ERC1: variants seen among roughly 807,000 people sequenced by gnomAD.
The protein encoded by ERC1 is ELKS/RAB6-interacting/CAST family member 1, also known as RAB6 interacting protein 2.
Under a neutral mutation model 132.0 loss-of-function variants are expected in ERC1, and 56 were observed. That is an observed-to-expected ratio of 0.42 (90% confidence interval 0.34 to 0.53). The LOEUF is 0.53. Ranked by LOEUF, ERC1 falls within the 20% of genes least tolerant of loss-of-function variation. The pLI is 0.03. For missense variants in ERC1, 1,202 were observed against 1,349.9 expected (o/e 0.89, Z 1.72); for synonymous variants, 478 against 476.1 (o/e 1.00, Z -0.05).
At chr12:1,466,989 A>T (rs2093755928) in intron 18 of ERC1, among the ~76,000 whole-genome samples, 1 of 152,238 alleles carries the variant, frequency 6.6e-6, no homozygotes, top group Non-Finnish European at 1.5e-5. Context: ...AGAGTCTTTA[A>T]TTTTAACACT....
At chr12:1,170,516 A>G (rs1018812463) in intron 8 of ERC1, among the ~76,000 whole-genome samples, 7 of 152,172 alleles carry the variant, frequency 4.6e-5, no homozygotes, top group Non-Finnish European at 1.0e-4. Context: ...AAATCTCATC[A>G]TTGCTACTGC....
At chr12:1,395,390 G>A (rs1033752384) in intron 16 of ERC1, among the ~76,000 whole-genome samples, 2 of 145,982 alleles carry the variant, frequency 1.4e-5, no homozygotes, top group Non-Finnish European at 3.0e-5. Context: ...AATTAGGAGT[G>A]GAATAGAAAT....
At chr12:1,359,221 C>T (rs75544631) in intron 15 of ERC1, among the ~76,000 whole-genome samples, 1,613 of 152,198 alleles carry the variant, frequency 0.011, 31 homozygotes, top group African/African-American at 0.037. Context: ...GATAATCAAT[C>T]ATTTTAGGTC....
At chr12:1,307,757 C>T (rs751322698) in intron 15 of ERC1, among the ~76,000 whole-genome samples, 1 of 152,080 alleles carries the variant, frequency 6.6e-6, no homozygotes, top group Non-Finnish European at 1.5e-5. Context: ...GATCAATGTC[C>T]TCTGTGGTAT....
At chr12:1,061,989 CTT>C (rs896825718) in intron 2 of ERC1, among the ~76,000 whole-genome samples, 37 of 117,394 alleles carry the variant, frequency 3.2e-4, no homozygotes, top group African/African-American at 1.2e-3. Flanking sequence ...TTCTTTTCTT[CTT>C]TTTTTTTTTT....
At chr12:1,296,469 A>G (rs1032782830) in intron 15 of ERC1, among the ~76,000 whole-genome samples, 1 of 117,962 alleles carries the variant, frequency 8.5e-6, no homozygotes, top group Non-Finnish European at 1.6e-5. Context: ...GCTGGAGTGC[A>G]GTGGCGCCAT....
chr12:1,181,821 A>T (rs1281369452), intron 9 of ERC1, 104 bp from the exon 10 acceptor site: 2 of 1,217,316 alleles, frequency 1.6e-6, no homozygotes, highest in Non-Finnish European at 2.2e-6. Flanking sequence ...AAAACTTACC[A>T]TTGTCTTTTG....
At chr12:1,221,130 CAGTG>C (rs981444362) in intron 12 of ERC1, among the ~76,000 whole-genome samples, 2 of 152,142 alleles carry the variant, frequency 1.3e-5, no homozygotes, top group Admixed American at 6.5e-5. Flanking sequence ...ACAGTAAACT[CAGTG>C]AGGGCTGAGA....
chr12:1,072,117 A>AAAG (rs1390918106), intron 2 of ERC1, among the ~76,000 whole-genome samples: 5 of 151,926 alleles, frequency 3.3e-5, no homozygotes, highest in Non-Finnish European at 1.5e-5. Flanking sequence ...AAAAACAAAA[A>AAAG]AGTGTAAAGT....
chr12:1,063,453 G>A (rs1370069267), intron 2 of ERC1, among the ~76,000 whole-genome samples: 1 of 152,068 alleles, frequency 6.6e-6, no homozygotes, highest in African/African-American at 2.4e-5. Context: ...TAGAGACGGG[G>A]TTTTCACCAT....
At chr12:1,027,353 G>C (rs1967065505) in intron 1 of ERC1, 2 of 152,060 alleles carry the variant, frequency 1.3e-5, no homozygotes, top group African/African-American at 4.8e-5. Context: ...TCTTTTCCTT[G>C]TCAATCTTTA....
chr12:1,346,834 G>C (rs1056583979), intron 15 of ERC1, among the ~76,000 whole-genome samples: 1 of 151,582 alleles, frequency 6.6e-6, no homozygotes, highest in African/African-American at 2.4e-5. Context: ...CCCAGCTACT[G>C]GGGAGGCTGA....
intron 12 of ERC1, among the ~76,000 whole-genome samples, chr12:1,219,623 A>G (rs950647663): frequency 2.0e-5 from 3 of 148,390 alleles, no homozygotes; most frequent in African/African-American, 5.1e-5. Flanking sequence ...TGTAGCAATC[A>G]GACTGAACTC....
chr12:1,270,111 C>T (rs1407024585), intron 14 of ERC1, among the ~76,000 whole-genome samples: 1 of 152,136 alleles, frequency 6.6e-6, no homozygotes, highest in Non-Finnish European at 1.5e-5. Flanking sequence ...ATTGCTACAA[C>T]AAAACTCCTT....
intron 8 of ERC1, among the ~76,000 whole-genome samples, chr12:1,163,611 G>C (rs952957019): frequency 2.0e-5 from 3 of 152,180 alleles, no homozygotes; most frequent in Non-Finnish European, 4.4e-5. Flanking sequence ...TTTTCACCTG[G>C]AAGTGTCTAT....
chr12:1,417,206 T>G (rs1374611689), intron 17 of ERC1, among the ~76,000 whole-genome samples: 1 of 152,212 alleles, frequency 6.6e-6, no homozygotes, highest in East Asian at 1.9e-4. Flanking sequence ...TTTCTGCTTT[T>G]CACTGTTTTC....
intron 7 of ERC1, among the ~76,000 whole-genome samples, chr12:1,116,370 T>C (rs1946443309): frequency 6.6e-6 from 1 of 152,150 alleles, no homozygotes; most frequent in Middle Eastern, 3.2e-3. Flanking sequence ...CCTGGTGAAT[T>C]TTCTAGTCAT....
intron 15 of ERC1, among the ~76,000 whole-genome samples, chr12:1,345,461 G>T (rs888182242): frequency 6.6e-6 from 1 of 152,166 alleles, no homozygotes; most frequent in Non-Finnish European, 1.5e-5. Context: ...GGGATTACAG[G>T]CGTGAGCCAC....
At chr12:1,000,620 G>C (rs1012892750) in intron 1 of ERC1, among the ~76,000 whole-genome samples, 10 of 152,164 alleles carry the variant, frequency 6.6e-5, no homozygotes, top group Non-Finnish European at 1.0e-4. Flanking sequence ...AAAATTAGCT[G>C]GGTGTGGTGG....
Sources: gnomAD v4.1 joint callset for allele counts (sites outside exome capture counted in the v4.1 genomes callset) on GRCh38, gnomAD v4.1.1 for gene constraint, MANE v1.5 for transcripts, NCBI Gene and HGNC (gene_info 2026-07-23, HGNC 2026-07-21) for gene names.